TTC28: variants seen among roughly 807,000 people sequenced by gnomAD.
The protein encoded by TTC28 is tetratricopeptide repeat domain 28.
TTC28 carries 61 observed loss-of-function variants against 198.0 expected under a neutral mutation model. The observed-to-expected ratio is 0.31, with a 90% CI of 0.25 to 0.38. The LOEUF is 0.38. TTC28 is among the 10% of genes least tolerant of loss of function. TTC28 has a pLI of 1.00. For missense variants in TTC28, 2,678 were observed against 3,164.0 expected (o/e 0.85, Z 3.69); for synonymous variants, 1,171 against 1,297.8 (o/e 0.90, Z 2.10).
intron 8 of TTC28, among the ~76,000 whole-genome samples, chr22:28,104,965 T>A (rs1003783759): frequency 6.6e-6 from 1 of 152,128 alleles, no homozygotes; most frequent in Non-Finnish European, 1.5e-5. Context: ...CTCAGAGGGT[T>A]CTGAAAAGCA....
chr22:28,676,529 A>T (rs987583693), intron 1 of TTC28, among the ~76,000 whole-genome samples: 7 of 152,160 alleles, frequency 4.6e-5, no homozygotes, highest in African/African-American at 1.4e-4. Context: ...ATTTATCTTT[A>T]TCTCAATAAA....
At chr22:28,376,941 G>T (rs1223873282) in intron 2 of TTC28, among the ~76,000 whole-genome samples, 1 of 151,956 alleles carries the variant, frequency 6.6e-6, no homozygotes, top group East Asian at 1.9e-4. Context: ...ATAGAAACAG[G>T]AATGGTCTTC....
intron 6 of TTC28, among the ~76,000 whole-genome samples, chr22:28,108,853 T>G (rs1186943527): frequency 6.6e-6 from 1 of 152,160 alleles, no homozygotes; most frequent in African/African-American, 2.4e-5. Flanking sequence ...CAAGGGAAAA[T>G]GCTAATTTCC....
At chr22:28,286,154 T>C (rs2044682969) in intron 5 of TTC28, among the ~76,000 whole-genome samples, 1 of 151,914 alleles carries the variant, frequency 6.6e-6, no homozygotes. Flanking sequence ...TAACAAAAAA[T>C]CATTTGGAGA....
chr22:27,990,899 T>C, intron 19 of TTC28, 87 bp from the exon 20 acceptor site: 2 of 1,380,618 alleles, frequency 1.4e-6, no homozygotes, highest in Admixed American at 4.1e-5. Flanking sequence ...CAACATGAGC[T>C]GATCACTGTT....
At chr22:28,501,288 C>G (rs1250585721) in intron 2 of TTC28, among the ~76,000 whole-genome samples, 3 of 152,090 alleles carry the variant, frequency 2.0e-5, no homozygotes, top group Non-Finnish European at 4.4e-5. Flanking sequence ...CAAACCCAGG[C>G]TGCCTGACTC....
intron 2 of TTC28, among the ~76,000 whole-genome samples, chr22:28,393,854 C>A (rs1285989378): frequency 6.6e-6 from 1 of 152,120 alleles, no homozygotes; most frequent in Non-Finnish European, 1.5e-5. Context: ...AGCCTTATTT[C>A]CTTCTGTGCC....
intron 5 of TTC28, among the ~76,000 whole-genome samples, chr22:28,227,929 C>T (rs1001737493): frequency 8.5e-5 from 13 of 152,120 alleles, no homozygotes; most frequent in Non-Finnish European, 1.3e-4. Flanking sequence ...ATGTTTATAG[C>T]AGCATTATTC....
At chr22:28,223,584 G>C (rs1361718918) in intron 5 of TTC28, among the ~76,000 whole-genome samples, 1 of 152,132 alleles carries the variant, frequency 6.6e-6, no homozygotes, top group Non-Finnish European at 1.5e-5. Flanking sequence ...GGAACATCCT[G>C]AATGATTATA....
At chr22:28,308,390 C>T (rs1316681810) in intron 2 of TTC28, among the ~76,000 whole-genome samples, 1 of 151,994 alleles carries the variant, frequency 6.6e-6, no homozygotes. Context: ...TTTTTATATA[C>T]AAATATGCCA....
chr22:28,425,717 G>A (rs1309875330), intron 2 of TTC28, among the ~76,000 whole-genome samples: 3 of 152,174 alleles, frequency 2.0e-5, no homozygotes, highest in Non-Finnish European at 4.4e-5. Flanking sequence ...GAGCCTCACC[G>A]TGAAGAGGCT....
intron 5 of TTC28, among the ~76,000 whole-genome samples, chr22:28,267,188 A>T (rs1931737075): frequency 6.6e-6 from 1 of 152,190 alleles, no homozygotes; most frequent in African/African-American, 2.4e-5. Flanking sequence ...TATGTTTCCT[A>T]TGACCAATTT....
At chr22:28,204,312 A>AC (rs1835011294) in intron 5 of TTC28, among the ~76,000 whole-genome samples, 1 of 152,196 alleles carries the variant, frequency 6.6e-6, no homozygotes, top group South Asian at 2.1e-4. Context: ...CATCACTGAC[A>AC]CAGAGAGTAG....
intron 5 of TTC28, among the ~76,000 whole-genome samples, chr22:28,285,145 T>C (rs1159073654): frequency 1.3e-5 from 2 of 152,182 alleles, no homozygotes; most frequent in African/African-American, 4.8e-5. Context: ...TGTTTGTGTG[T>C]GTACACATAC....
intron 2 of TTC28, among the ~76,000 whole-genome samples, chr22:28,407,253 C>T (rs2047011182): frequency 1.3e-5 from 2 of 151,862 alleles, no homozygotes; most frequent in South Asian, 2.1e-4. Context: ...TTTCCTAGAC[C>T]GAGACAAAGA....
At chr22:28,530,816 A>G (rs1283880817) in intron 2 of TTC28, among the ~76,000 whole-genome samples, 1 of 152,242 alleles carries the variant, frequency 6.6e-6, no homozygotes, top group Non-Finnish European at 1.5e-5. Flanking sequence ...ACTAAGCTTC[A>G]TAAGTGAAGG....
chr22:28,588,521 G>A (rs956642628), intron 2 of TTC28, among the ~76,000 whole-genome samples: 1 of 152,158 alleles, frequency 6.6e-6, no homozygotes, highest in East Asian at 1.9e-4. Context: ...TGGGAGAGGA[G>A]CACTTGATTA....
intron 5 of TTC28, among the ~76,000 whole-genome samples, chr22:28,168,551 G>A (rs1439747023): frequency 3.9e-5 from 6 of 152,038 alleles, no homozygotes. Context: ...TGACAAACCT[G>A]ACAAAAACAA....
chr22:28,661,217 G>A (rs758734186), intron 1 of TTC28, among the ~76,000 whole-genome samples: 4 of 151,974 alleles, frequency 2.6e-5, no homozygotes, highest in African/African-American at 9.7e-5. Flanking sequence ...CCAGGAGGTG[G>A]AGGTTGCGGT....
Sources: gnomAD v4.1 joint callset for allele counts (sites outside exome capture counted in the v4.1 genomes callset) on GRCh38, gnomAD v4.1.1 for gene constraint, MANE v1.5 for transcripts, NCBI Gene and HGNC (gene_info 2026-07-23, HGNC 2026-07-21) for gene names.